The following LAMA3 variants were observed in gnomAD, a reference collection of about 807,000 sequenced individuals.
The protein encoded by LAMA3 is laminin subunit alpha 3.
A neutral mutation model predicts 402.0 loss-of-function variants in LAMA3; 281 were observed. The observed-to-expected ratio is 0.70, with a 90% CI of 0.63 to 0.77. The LOEUF is 0.77. LAMA3 is among the 30% of genes least tolerant of loss of function. The pLI is 0.00. For missense variants in LAMA3, 3,840 were observed against 4,215.5 expected (o/e 0.91, Z 2.47); for synonymous variants, 1,431 against 1,558.4 (o/e 0.92, Z 1.93).
intron 11 of LAMA3, among the ~76,000 whole-genome samples, chr18:23,780,362 G>A (rs1430302785): frequency 2.0e-5 from 3 of 150,154 alleles, no homozygotes; most frequent in East Asian, 4.0e-4. Context: ...GGAGGGAGGG[G>A]AGAAAGGAGA....
Position 23,904,620 on chromosome 18 carries a change from A to G in LAMA3, c.6541A>G (p.Asn2181Asp). 1 of 1,613,728 alleles carries G rather than the reference A, an allele frequency of 6.2e-7. No homozygotes were observed. Among genetic ancestry groups the G allele is most frequent in the African/African-American group, 1.3e-5 (1 of 75,012 alleles). ...CAVDAATAYE[N>D]ILNAIKAAED... ...TGTGGATGCCGCCACCGCCTACGAG[A>G]ACATCCTCAATGCCATCAAAGCGGC... is the stretch of plus-strand genomic sequence containing the variant. The change falls in exon 51 of 75, where the codon AAC (asparagine) becomes GAC (aspartate). Residue 2181 changes from asparagine to aspartate, a missense_variant. Around this residue, in one of 3 missense-constraint regions of LAMA3, gnomAD observed 891 missense variants for 857.5 expected, o/e 1.04. Coordinates refer to ENST00000313654, the MANE Select transcript of LAMA3 (RefSeq NM_198129.4).
rs201452856 is a variant in LAMA3, at chr18:23,749,471, T to A, written c.609T>A (p.Asn203Lys). Residue 203 changes from asparagine (N) to lysine (K), a missense_variant, in exon 4 of 75, where the codon AAT becomes AAA. This residue lies in a region of LAMA3 where 2,109 missense variants were observed against 2,376.0 expected (regional missense o/e 0.89). Transcript: ENST00000313654. The stretch of plus-strand genomic sequence containing the variant: ...TAAAAGAATTTGGGCGGGAGGCAAA[T>A]ATGGCTGTCACCCGGGATGATGATG... Reference protein sequence around the residue: ...DCLKEFGREANMAVTRDDDVL... With the variant: ...DCLKEFGREAKMAVTRDDDVL... 8.2e-5 allele frequency: 133 copies of A among 1,612,884 alleles called. No homozygotes were observed. The African/African-American group carries it at 1.5e-3, about 18-fold the overall frequency.
chr18:23,865,698 A>G (rs960773108), intron 36 of LAMA3, among the ~76,000 whole-genome samples: 1 of 152,174 alleles, frequency 6.6e-6, no homozygotes, highest in South Asian at 2.1e-4. Context: ...AGGCCCTTAG[A>G]AGACTTTGTG....
intron 59 of LAMA3, among the ~76,000 whole-genome samples, chr18:23,916,027 AAAAAG>A (rs1568340356): frequency 0.02 from 2,431 of 119,632 alleles, 119 homozygotes; most frequent in African/African-American, 0.048. Flanking sequence ...AAAAAAAAAA[AAAAAG>A]AAAAGAAAAG....
chr18:23,878,651 A>G (rs79643720), intron 39 of LAMA3, among the ~76,000 whole-genome samples: 1 of 152,384 alleles, frequency 6.6e-6, no homozygotes, highest in Non-Finnish European at 1.5e-5. Flanking sequence ...GAGGAAATCC[A>G]GTATATTTGA....
intron 58 of LAMA3, 85 bp downstream of exon 58, chr18:23,914,945 A>C: frequency 8.8e-7 from 1 of 1,132,424 alleles, no homozygotes; most frequent in Non-Finnish European, 1.3e-6. Context: ...ATTGTTAATT[A>C]CATATAAAAT....
chr18:23,939,127 A>C (rs1466601023), intron 67 of LAMA3, 96 bp from the exon 68 acceptor site: 1 of 1,314,162 alleles, frequency 7.6e-7, no homozygotes, highest in Non-Finnish European at 1.1e-6. Context: ...TGAATTCCTC[A>C]CTTAGGATCA....
chr18:23,745,803 T>A (rs1217023904), intron 2 of LAMA3, among the ~76,000 whole-genome samples: 1 of 152,226 alleles, frequency 6.6e-6, no homozygotes, highest in African/African-American at 2.4e-5. Context: ...GAGGGTTATG[T>A]GTGCTATGAT....
At chr18:23,705,338 G>A (rs2060866048) in intron 1 of LAMA3, among the ~76,000 whole-genome samples, 1 of 151,880 alleles carries the variant, frequency 6.6e-6, no homozygotes, top group African/African-American at 2.4e-5. Context: ...TTATGGATTA[G>A]TCATAACACT....
At chr18:23,937,371 C>CAAAAAA (rs58274189) in intron 67 of LAMA3, among the ~76,000 whole-genome samples, 6 of 92,918 alleles carry the variant, frequency 6.5e-5, no homozygotes, top group African/African-American at 1.0e-4. Flanking sequence ...TTCTCAAAAG[C>CAAAAAA]AAAAAAAAAA....
At chr18:23,707,140 C>G (rs1476756904) in intron 1 of LAMA3, among the ~76,000 whole-genome samples, 1 of 152,200 alleles carries the variant, frequency 6.6e-6, no homozygotes, top group Admixed American at 6.5e-5. Flanking sequence ...CTGGGTTCAG[C>G]TGGTTGATTC....
intron 37 of LAMA3, among the ~76,000 whole-genome samples, chr18:23,870,164 G>T (rs1197652851): frequency 6.6e-6 from 1 of 152,172 alleles, no homozygotes; most frequent in Non-Finnish European, 1.5e-5. Flanking sequence ...TTAGCCAGGT[G>T]TAGTGGCACG....
intron 2 of LAMA3, among the ~76,000 whole-genome samples, chr18:23,717,303 AG>A (rs1388747743): frequency 6.6e-6 from 1 of 152,148 alleles, no homozygotes; most frequent in Non-Finnish European, 1.5e-5. Flanking sequence ...AAGACCTTAG[AG>A]GGAGAGAAGT....
chr18:23,826,298 G>A (rs1245616249), intron 21 of LAMA3, among the ~76,000 whole-genome samples: 1 of 152,240 alleles, frequency 6.6e-6, no homozygotes, highest in Non-Finnish European at 1.5e-5. Context: ...CGTGCCAGTT[G>A]AGCGTTACTC....
At chr18:23,896,522 T>C (rs540845846) in intron 44 of LAMA3, among the ~76,000 whole-genome samples, 1 of 152,280 alleles carries the variant, frequency 6.6e-6, no homozygotes, top group Admixed American at 6.5e-5. Flanking sequence ...TTGCTCAGAA[T>C]GTGGTCCATT....
Position 23,873,064 on chromosome 18 carries a change from G to C in LAMA3, c.4998+1403G>C. On this transcript the variant is annotated intron_variant, in intron 38 of 74. Coordinates refer to ENST00000313654, the MANE Select transcript of LAMA3 (RefSeq NM_198129.4). ...ACCGGGATGCCTCCAGCAGTGAGGC[G>C]GTCAGCCTGCAGCATGGGATGGCTG... The C allele has an allele frequency of 6.2e-7, 1 of 1,614,206 alleles. No individual in the cohort carries two copies. The highest frequency in any genetic ancestry group is 1.7e-5 in the Admixed American group (1 of 60,024).
At chr18:23,732,483 T>C (rs1306412281) in intron 2 of LAMA3, among the ~76,000 whole-genome samples, 1 of 152,132 alleles carries the variant, frequency 6.6e-6, no homozygotes, top group Admixed American at 6.5e-5. Context: ...AAACAGAAAT[T>C]GGCTTTCTTG....
intron 4 of LAMA3, among the ~76,000 whole-genome samples, chr18:23,750,431 A>AGTTTTT (rs2061726221): frequency 2.1e-5 from 1 of 46,838 alleles, no homozygotes; most frequent in African/African-American, 8.2e-5. Context: ...GGGTTTACAC[A>AGTTTTT]GTTTTTTTTT....
chr18:23,838,791 G>C lies in LAMA3; in HGVS notation c.3104G>C (p.Cys1035Ser). The C allele has an allele frequency of 1.2e-6, 2 of 1,603,142 alleles. No individual in the cohort carries two copies. The highest frequency in any genetic ancestry group is 2.2e-5 in the South Asian group (2 of 90,868). ...HMARFLLHQV[C>S]IIPIEEFSAE... ...GTATTTGCTCACTAGCATCAAGTTT[G>C]TATCATACCTATTGAAGAATTCTCA... The change falls in exon 26 of 75, where the codon TGT (cysteine) becomes TCT (serine). Residue 1035 changes from cysteine to serine, a missense_variant. Cys to Ser is a moderately radical substitution (Grantham distance 112). Around this residue, in one of 3 missense-constraint regions of LAMA3, gnomAD observed 2,109 missense variants for 2,376.0 expected, o/e 0.89. Coordinates refer to ENST00000313654, the MANE Select transcript of LAMA3 (RefSeq NM_198129.4).
Sources: gnomAD v4.1 joint callset for allele counts (sites outside exome capture counted in the v4.1 genomes callset) on GRCh38, gnomAD v4.1.1 for gene constraint, gnomAD v4.1.1 regional missense constraint, MANE v1.5 for transcripts, NCBI Gene and HGNC (gene_info 2026-07-23, HGNC 2026-07-21) for gene names.